NTRK3: variants seen among roughly 807,000 people sequenced by gnomAD.
NTRK3 encodes the protein neurotrophic receptor tyrosine kinase 3.
NTRK3 carries 24 observed loss-of-function variants against 91.7 expected under a neutral mutation model. The observed-to-expected ratio is 0.26, with a 90% CI of 0.19 to 0.37. The LOEUF (loss-of-function observed/expected upper bound fraction) is 0.37, where lower values mean the gene tolerates loss of function less well. Among genes scored for constraint, NTRK3 ranks in the 10% least tolerant of loss-of-function variants. The pLI, the probability that NTRK3 is intolerant of heterozygous loss-of-function variation, is 1.00. For missense variants in NTRK3, 880 were observed against 1,068.9 expected (o/e 0.82, Z 2.46); for synonymous variants, 483 against 404.0 (o/e 1.20, Z -2.34).
intron 13 of NTRK3, among the ~76,000 whole-genome samples, chr15:88,110,618 C>T (rs1469615155): frequency 6.6e-6 from 1 of 152,144 alleles, no homozygotes; most frequent in Non-Finnish European, 1.5e-5. Flanking sequence ...CAACAGTCTA[C>T]TTGGAGAGGC....
intron 17 of NTRK3, among the ~76,000 whole-genome samples, chr15:87,902,583 G>C (rs1310651739): frequency 6.6e-6 from 1 of 152,142 alleles, no homozygotes; most frequent in Non-Finnish European, 1.5e-5. Context: ...GGAAGCAACA[G>C]GCTCTACATG....
intron 14 of NTRK3, among the ~76,000 whole-genome samples, chr15:87,980,315 G>A (rs950683007): frequency 1.3e-5 from 2 of 151,820 alleles, no homozygotes; most frequent in African/African-American, 4.9e-5. Flanking sequence ...TGTGTGTAAA[G>A]AGTGTGTGTG....
rs1175473181 is a variant in NTRK3 at position 88,233,559 on chromosome 15, G to T, written c.248+22347C>A. Among the ~76,000 whole-genome samples, 1 of 152,150 alleles carries T rather than the reference G, an allele frequency of 6.6e-6. No homozygotes were observed. Among genetic ancestry groups the T allele is most frequent in the Non-Finnish European group, 1.5e-5 (1 of 68,020 alleles). ...CAGAGACTCCCCCAAGGACTTCCTA[G>T]TTGCCACAGGCCTCCTTAATTTGCA... On this transcript the variant is annotated intron_variant, in intron 3 of 18. Coordinates refer to ENST00000394480, the Ensembl canonical transcript of NTRK3. The surrounding 1 kb of genome is among the most constrained non-coding windows in gnomAD (Gnocchi z 4.2).
At chr15:88,047,677 G>T (rs1182294162) in intron 13 of NTRK3, among the ~76,000 whole-genome samples, 2 of 152,116 alleles carry the variant, frequency 1.3e-5, no homozygotes, top group East Asian at 3.8e-4. Context: ...TGCCAAAAAG[G>T]GAGTATCTCC....
intron 17 of NTRK3, among the ~76,000 whole-genome samples, chr15:87,888,987 A>G (rs1351871577): frequency 2.0e-5 from 3 of 152,250 alleles, no homozygotes; most frequent in Non-Finnish European, 4.4e-5. Flanking sequence ...TAGGGATACA[A>G]TGCACAGAAA....
At chr15:87,901,090 GC>G in intron 17 of NTRK3, among the ~76,000 whole-genome samples, 1 of 152,278 alleles carries the variant, frequency 6.6e-6, no homozygotes, top group African/African-American at 2.4e-5. Context: ...AGATGGAGGA[GC>G]TGTACCTCCA....
At chr15:88,166,368 T>G (rs1186985615) in intron 5 of NTRK3, among the ~76,000 whole-genome samples, 5 of 152,210 alleles carry the variant, frequency 3.3e-5, no homozygotes, top group Non-Finnish European at 7.3e-5. Flanking sequence ...GTCCACCACA[T>G]GCACCTAACT....
chr15:87,992,425 C>A (rs1486971569), intron 14 of NTRK3, among the ~76,000 whole-genome samples: 1 of 152,214 alleles, frequency 6.6e-6, no homozygotes, highest in Non-Finnish European at 1.5e-5. Context: ...ACTCCACTCT[C>A]TGTATAAGCC....
chr15:87,981,068 A>C (rs570033430), intron 14 of NTRK3, among the ~76,000 whole-genome samples: 1 of 152,264 alleles, frequency 6.6e-6, no homozygotes, highest in South Asian at 2.1e-4. Flanking sequence ...CCTTTAATTT[A>C]AGGGATTTTT....
intron 17 of NTRK3, among the ~76,000 whole-genome samples, chr15:87,889,396 CTTT>C (rs568030482): frequency 1.2e-3 from 115 of 95,610 alleles, no homozygotes; most frequent in Non-Finnish European, 1.9e-3. Flanking sequence ...TTATTAGTTC[CTTT>C]TTTTTTTTTT....
At chr15:88,153,654 T>C (rs757918777) in intron 5 of NTRK3, among the ~76,000 whole-genome samples, 12 of 152,094 alleles carry the variant, frequency 7.9e-5, no homozygotes, top group Non-Finnish European at 1.3e-4. Context: ...TTATAAACAA[T>C]AGGAATTTAT....
chr15:88,109,470 G>A (rs1327111307), intron 13 of NTRK3, among the ~76,000 whole-genome samples: 1 of 152,202 alleles, frequency 6.6e-6, no homozygotes, highest in Non-Finnish European at 1.5e-5. Context: ...TGTATCACAA[G>A]TCACAGTGAA....
At chr15:88,194,359 C>T (rs2047649328) in intron 3 of NTRK3, among the ~76,000 whole-genome samples, 1 of 152,246 alleles carries the variant, frequency 6.6e-6, no homozygotes, top group African/African-American at 2.4e-5. Context: ...CTCAAATGTG[C>T]ATCTCTGGCA....
At chr15:88,199,208 T>C (rs8033396) in intron 3 of NTRK3, among the ~76,000 whole-genome samples, 11,700 of 152,102 alleles carry the variant, frequency 0.077, 1,037 homozygotes, top group African/African-American at 0.22. Flanking sequence ...TTACCCTTTA[T>C]TATGGAAGTA....
At chr15:88,068,019 T>C (rs995888646) in intron 13 of NTRK3, among the ~76,000 whole-genome samples, 1 of 152,196 alleles carries the variant, frequency 6.6e-6, no homozygotes, top group Non-Finnish European at 1.5e-5. Context: ...ATTACCTACA[T>C]GTATATTCCT....
intron 13 of NTRK3, among the ~76,000 whole-genome samples, chr15:88,060,173 G>A (rs932477351): frequency 6.6e-6 from 1 of 152,062 alleles, no homozygotes; most frequent in African/African-American, 2.4e-5. Flanking sequence ...TTGAGGTCAG[G>A]AGTTTGAGAC....
chr15:88,095,446 C>T (rs2049486208), intron 13 of NTRK3, among the ~76,000 whole-genome samples: 1 of 152,166 alleles, frequency 6.6e-6, no homozygotes, highest in African/African-American at 2.4e-5. Context: ...GGCTCACTTA[C>T]AGGGTGTCAA....
intron 13 of NTRK3, among the ~76,000 whole-genome samples, chr15:88,047,631 T>C (rs1206551568): frequency 2.0e-5 from 3 of 152,324 alleles, no homozygotes; most frequent in African/African-American, 4.8e-5. Flanking sequence ...CATGCATCCA[T>C]TAACCTAACA....
chr15:88,226,490 C>A (rs1429989122), intron 3 of NTRK3, among the ~76,000 whole-genome samples: 3 of 152,226 alleles, frequency 2.0e-5, no homozygotes, highest in African/African-American at 7.2e-5. Flanking sequence ...CCAGTTCCAA[C>A]ACTCACTTCC....
Sources: allele counts gnomAD v4.1 joint callset (sites outside exome capture counted in the v4.1 genomes callset), GRCh38; gene constraint gnomAD v4.1.1; non-coding constraint Gnocchi (gnomAD v3.1); transcripts MANE v1.5; gene names NCBI Gene and HGNC (gene_info 2026-07-23, HGNC 2026-07-21).